The following DSCAML1 variants were observed in gnomAD, a reference collection of about 807,000 sequenced individuals.
DSCAML1 encodes DS cell adhesion molecule like 1, also known as cell adhesion molecule DSCAML1.
DSCAML1 carries 38 observed loss-of-function variants against 200.5 expected under a neutral mutation model. The ratio of observed to expected loss-of-function variants is 0.19; its 90% confidence interval spans 0.15 to 0.25. DSCAML1 has a LOEUF of 0.25. Ranked by LOEUF, DSCAML1 falls within the 10% of genes least tolerant of loss-of-function variation. The pLI is 1.00. For missense variants in DSCAML1, 2,223 were observed against 2,858.8 expected, an observed-to-expected ratio of 0.78 and a Z score of 5.07; for synonymous variants, 1,215 against 1,165.0, an observed-to-expected ratio of 1.04 and a Z score of -0.87.
chr11:117,442,340 A>ATGTG (rs759334870), intron 21 of DSCAML1, among the ~76,000 whole-genome samples: 3 of 150,628 alleles, frequency 2.0e-5, no homozygotes, highest in African/African-American at 7.3e-5. Flanking sequence ...TATAGTGTGT[A>ATGTG]TGTGTGTGCA....
intron 1 of DSCAML1, among the ~76,000 whole-genome samples, chr11:117,804,070 G>A (rs1293675803): frequency 6.6e-6 from 1 of 152,172 alleles, no homozygotes; most frequent in Non-Finnish European, 1.5e-5. Flanking sequence ...CAAAACACTA[G>A]CAAGTCCTCC....
intron 1 of DSCAML1, among the ~76,000 whole-genome samples, chr11:117,802,651 G>A (rs1402702961): frequency 1.3e-5 from 2 of 152,258 alleles, no homozygotes; most frequent in African/African-American, 2.4e-5. Flanking sequence ...ATTAGACCCC[G>A]CAGGAGTGCT....
At chr11:117,462,674 G>A (rs952309366) in intron 17 of DSCAML1, among the ~76,000 whole-genome samples, 2 of 152,120 alleles carry the variant, frequency 1.3e-5, no homozygotes, top group Non-Finnish European at 2.9e-5. Flanking sequence ...TGTAATTAGG[G>A]ACCCAGTGTA....
intron 3 of DSCAML1, among the ~76,000 whole-genome samples, chr11:117,764,279 A>G (rs2137899071): frequency 6.6e-6 from 1 of 152,318 alleles, no homozygotes; most frequent in Admixed American, 6.5e-5. Context: ...TTCCAAGGGT[A>G]AAAAAAGATT....
intron 8 of DSCAML1, among the ~76,000 whole-genome samples, chr11:117,514,477 G>T (rs2049713434): frequency 6.6e-6 from 1 of 151,712 alleles, no homozygotes; most frequent in Non-Finnish European, 1.5e-5. Flanking sequence ...CTGGCTCGGG[G>T]CCATTCTCGG....
At chr11:117,433,933 T>C (rs2047854873) in intron 27 of DSCAML1, among the ~76,000 whole-genome samples, 1 of 152,210 alleles carries the variant, frequency 6.6e-6, no homozygotes. Context: ...GAGGCTTCAC[T>C]TCCTCCTCTG....
At chr11:117,778,792 T>C (rs2055178964) in intron 2 of DSCAML1, among the ~76,000 whole-genome samples, 1 of 152,220 alleles carries the variant, frequency 6.6e-6, no homozygotes, top group South Asian at 2.1e-4. Context: ...AGGCCAGAGC[T>C]GGGCTCCAAA....
At chr11:117,486,940 T>C (rs1184726102) in intron 11 of DSCAML1, among the ~76,000 whole-genome samples, 4 of 118,662 alleles carry the variant, frequency 3.4e-5, no homozygotes, top group Non-Finnish European at 6.6e-5. Flanking sequence ...TTTTTTTTTT[T>C]TGAGACAGAG....
chr11:117,771,283 G>C (rs1323745701), intron 3 of DSCAML1, among the ~76,000 whole-genome samples: 2 of 152,128 alleles, frequency 1.3e-5, no homozygotes, highest in African/African-American at 4.8e-5. Flanking sequence ...TTGTTGTATT[G>C]AGATTATCCA....
At chr11:117,464,048 C>T (rs2048531844) in intron 17 of DSCAML1, among the ~76,000 whole-genome samples, 1 of 152,130 alleles carries the variant, frequency 6.6e-6, no homozygotes. Flanking sequence ...AAAGGAATAG[C>T]TTTCTGATGG....
intron 3 of DSCAML1, among the ~76,000 whole-genome samples, chr11:117,592,507 C>T (rs1334023368): frequency 6.7e-6 from 1 of 149,560 alleles, no homozygotes; most frequent in Non-Finnish European, 1.5e-5. Flanking sequence ...GGGTCTGACA[C>T]AGGGCTGCTA....
intron 3 of DSCAML1, among the ~76,000 whole-genome samples, chr11:117,715,374 T>A (rs2053933680): frequency 6.6e-6 from 1 of 152,160 alleles, no homozygotes; most frequent in Admixed American, 6.5e-5. Context: ...CGACTCCCTT[T>A]GTACCCCCAG....
chr11:117,687,839 G>A (rs1230827732), intron 3 of DSCAML1, among the ~76,000 whole-genome samples: 5 of 152,174 alleles, frequency 3.3e-5, no homozygotes, highest in African/African-American at 9.7e-5. Flanking sequence ...CCCATGCAAA[G>A]GTCCCAGGGA....
At chr11:117,705,295 T>C (rs1318051095) in intron 3 of DSCAML1, among the ~76,000 whole-genome samples, 1 of 152,258 alleles carries the variant, frequency 6.6e-6, no homozygotes, top group African/African-American at 2.4e-5. Context: ...AAATTTGTCT[T>C]GGACAAGCCT....
intron 21 of DSCAML1, 33 bp downstream of exon 21, chr11:117,443,852 GT>G (rs760737572): frequency 6.4e-7 from 1 of 1,551,822 alleles, no homozygotes; most frequent in African/African-American, 1.4e-5. Context: ...TTTTGGAAGT[GT>G]TTGCCCCTCT....
At chr11:117,475,658 TC>T (rs2048775933) in intron 14 of DSCAML1, among the ~76,000 whole-genome samples, 2 of 152,236 alleles carry the variant, frequency 1.3e-5, no homozygotes, top group Non-Finnish European at 2.9e-5. Context: ...CCACTGTTTT[TC>T]CCCTTTACTT....
At chr11:117,491,108 G>T (rs947494888) in intron 11 of DSCAML1, among the ~76,000 whole-genome samples, 3 of 152,220 alleles carry the variant, frequency 2.0e-5, no homozygotes, top group Admixed American at 1.3e-4. Flanking sequence ...GTGGGAAGGA[G>T]GATGTTGAAG....
chr11:117,702,964 T>A (rs1171192455), intron 3 of DSCAML1, among the ~76,000 whole-genome samples: 1 of 152,196 alleles, frequency 6.6e-6, no homozygotes, highest in Non-Finnish European at 1.5e-5. Context: ...TCCTAATTTA[T>A]CTACTTGGTA....
At chr11:117,591,888 G>A (rs1371931122) in intron 3 of DSCAML1, among the ~76,000 whole-genome samples, 2 of 152,186 alleles carry the variant, frequency 1.3e-5, no homozygotes, top group Admixed American at 6.5e-5. Context: ...GGCTCTACAG[G>A]CATGTGGGGT....
Sources: gnomAD v4.1 joint callset for allele counts (sites outside exome capture counted in the v4.1 genomes callset) on GRCh38, gnomAD v4.1.1 for gene constraint, MANE v1.5 for transcripts, NCBI Gene and HGNC (gene_info 2026-07-23, HGNC 2026-07-21) for gene names.